DTNB: variants seen among roughly 807,000 people sequenced by gnomAD.
The protein encoded by DTNB is DTN-B.
In DTNB, 63 loss-of-function variants were observed where a neutral mutation model predicts 90.7. The ratio of observed to expected loss-of-function variants is 0.69; its 90% CI spans 0.57 to 0.86. The LOEUF (loss-of-function observed/expected upper bound fraction) is 0.86. Ranked by LOEUF, DTNB falls within the 40% of genes least tolerant of loss-of-function variation. DTNB has a pLI of 0.00. For missense variants in DTNB, 744 were observed against 807.1 expected (o/e 0.92, Z 0.95); for synonymous variants, 277 against 286.7 (o/e 0.97, Z 0.34).
At chr2:25,429,433 A>C (rs1467515276) in intron 14 of DTNB, among the ~76,000 whole-genome samples, 1 of 151,848 alleles carries the variant, frequency 6.6e-6, no homozygotes, top group Non-Finnish European at 1.5e-5. Context: ...CTTACGGTTC[A>C]TTTTTCCTAA....
At chr2:25,625,429 C>T (rs188798204) in intron 4 of DTNB, among the ~76,000 whole-genome samples, 1 of 151,962 alleles carries the variant, frequency 6.6e-6, no homozygotes, top group African/African-American at 2.4e-5. Flanking sequence ...ATAAAGGTAT[C>T]AAAGTTAGTA....
chr2:25,506,958 T>G (rs1282929980), intron 9 of DTNB, among the ~76,000 whole-genome samples: 1 of 152,222 alleles, frequency 6.6e-6, no homozygotes, highest in African/African-American at 2.4e-5. Flanking sequence ...AAGTCTCATG[T>G]GTTTAGAAAT....
chr2:25,571,680 T>TA (rs763397561), intron 8 of DTNB, among the ~76,000 whole-genome samples: 76 of 152,290 alleles, frequency 5.0e-4, no homozygotes, highest in Non-Finnish European at 9.1e-4. Context: ...CTGCTCATGT[T>TA]AGAGTCCCAT....
intron 9 of DTNB, among the ~76,000 whole-genome samples, chr2:25,487,123 G>A (rs773355123): frequency 2.0e-5 from 3 of 152,154 alleles, no homozygotes; most frequent in Non-Finnish European, 4.4e-5. Flanking sequence ...CTGTTACTGG[G>A]TACCTACTGA....
chr2:25,597,667 A>G (rs1436589184), intron 5 of DTNB, among the ~76,000 whole-genome samples: 1 of 152,216 alleles, frequency 6.6e-6, no homozygotes, highest in African/African-American at 2.4e-5. Context: ...AAATACCCAT[A>G]TGGGGGAAAA....
chr2:25,627,837 A>C (rs559639389), intron 4 of DTNB, among the ~76,000 whole-genome samples: 7 of 151,516 alleles, frequency 4.6e-5, no homozygotes, highest in Middle Eastern at 3.4e-3. Flanking sequence ...CCTGGGTTCA[A>C]GCAATTCTCC....
chr2:25,418,386 T>C (rs991308123), intron 16 of DTNB, among the ~76,000 whole-genome samples: 8 of 152,172 alleles, frequency 5.3e-5, no homozygotes, highest in Non-Finnish European at 1.2e-4. Flanking sequence ...ACCTAAAACA[T>C]GTATACATTT....
chr2:25,664,691 A>T (rs1559438829), intron 1 of DTNB, among the ~76,000 whole-genome samples: 1 of 152,182 alleles, frequency 6.6e-6, no homozygotes, highest in Admixed American at 6.5e-5. Flanking sequence ...TCTTTTTAAA[A>T]GTAGGTGAGA....
intron 11 of DTNB, among the ~76,000 whole-genome samples, chr2:25,454,063 T>C (rs1017135080): frequency 6.7e-6 from 1 of 150,314 alleles, no homozygotes; most frequent in African/African-American, 2.5e-5. Context: ...GGCAGGAGAA[T>C]GGCATGAAGC....
chr2:25,477,706 C>T (rs2064007338), intron 10 of DTNB, among the ~76,000 whole-genome samples: 1 of 152,128 alleles, frequency 6.6e-6, no homozygotes, highest in Admixed American at 6.6e-5. Flanking sequence ...TAAAACACAT[C>T]TATGCAAAAG....
chr2:25,486,486 G>C (rs1379326400), intron 9 of DTNB, among the ~76,000 whole-genome samples: 1 of 151,864 alleles, frequency 6.6e-6, no homozygotes, highest in African/African-American at 2.4e-5. Flanking sequence ...AAATAAAAAT[G>C]AGTCTGGCAT....
intron 8 of DTNB, among the ~76,000 whole-genome samples, chr2:25,575,594 T>C (rs1365545282): frequency 6.6e-6 from 1 of 151,078 alleles, no homozygotes; most frequent in Non-Finnish European, 1.5e-5. Flanking sequence ...GGGTTGAAGT[T>C]TGTTTTCCTT....
At chr2:25,381,305 G>A (rs1436364943) in intron 19 of DTNB, among the ~76,000 whole-genome samples, 1 of 152,226 alleles carries the variant, frequency 6.6e-6, no homozygotes, top group Non-Finnish European at 1.5e-5. Context: ...TCTTGTCTGT[G>A]TGGGTAAGTC....
At chr2:25,489,190 A>C (rs915583169) in intron 9 of DTNB, among the ~76,000 whole-genome samples, 1 of 152,200 alleles carries the variant, frequency 6.6e-6, no homozygotes, top group Non-Finnish European at 1.5e-5. Flanking sequence ...CTAGAAATTA[A>C]AATTCCTACA....
chr2:25,530,451 A>C (rs1453039068), intron 9 of DTNB, among the ~76,000 whole-genome samples: 1 of 152,136 alleles, frequency 6.6e-6, no homozygotes, highest in Non-Finnish European at 1.5e-5. Flanking sequence ...AATAATAATG[A>C]TAATAATGTC....
At chr2:25,401,614 T>G (rs995287677) in intron 16 of DTNB, among the ~76,000 whole-genome samples, 3 of 152,248 alleles carry the variant, frequency 2.0e-5, no homozygotes, top group Admixed American at 6.5e-5. Context: ...CTTCCCTTCT[T>G]TCTTTTTCCT....
At chr2:25,669,288 T>C (rs776800631) in intron 1 of DTNB, among the ~76,000 whole-genome samples, 12 of 152,258 alleles carry the variant, frequency 7.9e-5, no homozygotes, top group Middle Eastern at 3.4e-3. Context: ...TGTATTTTAC[T>C]ATAATAAAAA....
chr2:25,646,482 A>T (rs1169965545), intron 2 of DTNB, among the ~76,000 whole-genome samples: 1 of 151,950 alleles, frequency 6.6e-6, no homozygotes, highest in Non-Finnish European at 1.5e-5. Flanking sequence ...AAAAAAAAAA[A>T]GATACAAGAA....
At chr2:25,561,644 C>T (rs1012345504) in intron 8 of DTNB, among the ~76,000 whole-genome samples, 1 of 152,118 alleles carries the variant, frequency 6.6e-6, no homozygotes, top group Non-Finnish European at 1.5e-5. Context: ...AGTGAGTTCT[C>T]AGTCCACAGG....
Sources: allele counts gnomAD v4.1 joint callset (sites outside exome capture counted in the v4.1 genomes callset), GRCh38; gene constraint gnomAD v4.1.1; transcripts MANE v1.5; gene names NCBI Gene and HGNC (gene_info 2026-07-23, HGNC 2026-07-21).